The following SOX5 variants were observed in gnomAD, a reference collection of about 807,000 sequenced individuals.
SOX5 encodes SRY-box transcription factor 5.
In SOX5, 9 loss-of-function variants were observed where a neutral mutation model predicts 92.0. That is an observed-to-expected ratio of 0.10 (90% CI 0.06 to 0.17). The LOEUF is 0.17. SOX5 is among the 10% of genes least tolerant of loss of function. The probability of loss-of-function intolerance (pLI) is 1.00; values close to 1 mark genes in which losing one functional copy is unlikely to be tolerated. For synonymous variants in SOX5, 344 were observed against 336.3 expected (o/e 1.02, Z -0.25); for missense variants, 642 against 944.5 (o/e 0.68, Z 4.20).
chr12:23,739,612 A>G (rs780290181), intron 5 of SOX5, among the ~76,000 whole-genome samples: 1 of 151,546 alleles, frequency 6.6e-6, no homozygotes, highest in Non-Finnish European at 1.5e-5. Flanking sequence ...TTTCTCTGCC[A>G]GCTATATAAG....
chr12:24,000,787 A>C (rs1951524503), intron 4 of SOX5, among the ~76,000 whole-genome samples: 2 of 152,164 alleles, frequency 1.3e-5, no homozygotes, highest in Admixed American at 1.3e-4. Context: ...AAAAAGATTT[A>C]ATTATATGCT....
chr12:24,369,480 G>A (rs1956504144), intron 1 of SOX5, among the ~76,000 whole-genome samples: 1 of 152,172 alleles, frequency 6.6e-6, no homozygotes, highest in South Asian at 2.1e-4. Flanking sequence ...GAGCTCCCCT[G>A]GCTGGCAATG....
intron 4 of SOX5, among the ~76,000 whole-genome samples, chr12:24,020,737 G>C (rs1298138766): frequency 3.9e-5 from 6 of 152,152 alleles, no homozygotes; most frequent in Admixed American, 6.6e-5. Context: ...ATTTCATCCG[G>C]AGTCGCTTAA....
intron 9 of SOX5, among the ~76,000 whole-genome samples, chr12:23,595,135 T>C (rs1027770885): frequency 1.3e-5 from 2 of 152,180 alleles, no homozygotes; most frequent in African/African-American, 2.4e-5. Context: ...TTGAATTAAA[T>C]TTGATATATG....
At chr12:23,765,385 C>CA (rs373571301) in intron 3 of SOX5, among the ~76,000 whole-genome samples, 2,647 of 31,370 alleles carry the variant, frequency 0.084, 915 homozygotes, top group Non-Finnish European at 0.096. Context: ...TGTAAAACAG[C>CA]AAAAAAAAAA....
At chr12:23,966,961 T>C (rs1947657233) in intron 4 of SOX5, among the ~76,000 whole-genome samples, 1 of 152,306 alleles carries the variant, frequency 6.6e-6, no homozygotes, top group South Asian at 2.1e-4. Context: ...TATTTTCCTC[T>C]TGAGTGAATG....
intron 1 of SOX5, among the ~76,000 whole-genome samples, chr12:24,441,754 T>G (rs1439498982): frequency 2.0e-5 from 3 of 152,180 alleles, no homozygotes; most frequent in Non-Finnish European, 4.4e-5. Flanking sequence ...ATCAGCATTT[T>G]ATGCATTGTT....
Position 23,915,678 on chromosome 12 carries a change from C to T in SOX5, c.39-19654G>A, listed in dbSNP as rs117268023. ...ATTCAGAATATGGTTTTTTGCTACACGACATTTATTTCCAAATAACATAGA... is the reference window on the plus strand; with the variant it reads ...ATTCAGAATATGGTTTTTTGCTACATGACATTTATTTCCAAATAACATAGA... On this transcript the variant is annotated intron_variant, in intron 1 of 14. Coordinates refer to ENST00000451604, the MANE Select transcript of SOX5 (RefSeq NM_006940.6). Among the ~76,000 whole-genome samples the T allele has an allele frequency of 5.0e-3, 758 of 152,032 alleles. 4 individuals carry two copies. The highest frequency in any genetic ancestry group is 7.7e-3 in the Non-Finnish European group (526 of 67,944).
At chr12:24,003,018 C>G (rs1329185473) in intron 4 of SOX5, among the ~76,000 whole-genome samples, 1 of 152,036 alleles carries the variant, frequency 6.6e-6, no homozygotes, top group African/African-American at 2.4e-5. Context: ...ATCTCTTCAT[C>G]AGTTACTGTA....
At chr12:23,592,235 A>AT (rs1420102258) in intron 9 of SOX5, among the ~76,000 whole-genome samples, 1 of 152,126 alleles carries the variant, frequency 6.6e-6, no homozygotes, top group Non-Finnish European at 1.5e-5. Flanking sequence ...TTGAGTATAC[A>AT]TTTTTTCTTT....
chr12:23,581,151 G>A (rs1949987078), intron 9 of SOX5, among the ~76,000 whole-genome samples: 5 of 151,908 alleles, frequency 3.3e-5, no homozygotes, highest in Admixed American at 2.6e-4. Flanking sequence ...ATCCTGGGGT[G>A]TTATTTCTCT....
intron 4 of SOX5, among the ~76,000 whole-genome samples, chr12:24,046,229 G>A (rs1957010283): frequency 6.6e-6 from 1 of 151,758 alleles, no homozygotes; most frequent in Admixed American, 6.6e-5. Flanking sequence ...ACAGTGGGGT[G>A]GGCAAGAAGA....
At chr12:24,001,448 T>A (rs1498862) in intron 4 of SOX5, among the ~76,000 whole-genome samples, 61,661 of 151,868 alleles carry the variant, frequency 0.41, 13,333 homozygotes, top group East Asian at 0.69. Flanking sequence ...AAAGAAAGTT[T>A]AAAAAAATCA....
At chr12:24,484,551 A>G (rs778466780) in intron 1 of SOX5, among the ~76,000 whole-genome samples, 3 of 152,096 alleles carry the variant, frequency 2.0e-5, no homozygotes, top group Non-Finnish European at 4.4e-5. Flanking sequence ...GTGTGTGTCC[A>G]TGTTTGTGTG....
At chr12:23,830,297 T>C (rs1156975430) in intron 3 of SOX5, among the ~76,000 whole-genome samples, 1 of 152,152 alleles carries the variant, frequency 6.6e-6, no homozygotes, top group African/African-American at 2.4e-5. Context: ...TCGATTTCCA[T>C]ACAGTGGTGC....
intron 1 of SOX5, among the ~76,000 whole-genome samples, chr12:24,508,100 G>A (rs1948973044): frequency 6.6e-6 from 1 of 152,178 alleles, no homozygotes; most frequent in East Asian, 1.9e-4. Flanking sequence ...TCCATGCTAA[G>A]GAGCTTGGAC....
At chr12:23,583,366 A>G (rs959269537) in intron 9 of SOX5, among the ~76,000 whole-genome samples, 5 of 152,118 alleles carry the variant, frequency 3.3e-5, no homozygotes, top group Admixed American at 1.3e-4. Flanking sequence ...ATATCACATG[A>G]AAACCCACTC....
In SOX5 at chr12:23,940,918, T is replaced by C. The variant is rs542737557; in HGVS notation, c.38+8646A>G. ...CACCCAACGTCTTCGGTTCAAATTT[T>C]CCATTAAATATGCACCACAATACCA... On this transcript the variant is annotated intron_variant, in intron 1 of 14. Coordinates refer to ENST00000451604, the MANE Select transcript of SOX5 (RefSeq NM_006940.6). Among the ~76,000 whole-genome samples the C allele has an allele frequency of 1.6e-3, 243 of 151,498 alleles. 2 individuals carry two copies. The highest frequency in any genetic ancestry group is 5.4e-3 in the African/African-American group (224 of 41,470).
intron 1 of SOX5, among the ~76,000 whole-genome samples, chr12:24,552,116 T>C (rs976278724): frequency 6.6e-6 from 1 of 151,618 alleles, no homozygotes; most frequent in East Asian, 1.9e-4. Flanking sequence ...TTATGTCAGG[T>C]CCCCTCACTC....
Sources: allele counts gnomAD v4.1 joint callset (sites outside exome capture counted in the v4.1 genomes callset), GRCh38; gene constraint gnomAD v4.1.1; transcripts MANE v1.5; gene names NCBI Gene and HGNC (gene_info 2026-07-23, HGNC 2026-07-21).